Variants in SCAP observed in about 807,000 individuals in gnomAD.
SCAP encodes the protein sterol regulatory element-binding protein cleavage-activating protein.
Under a neutral mutation model 123.6 loss-of-function variants are expected in SCAP, and 65 were observed. That is an observed-to-expected ratio of 0.53 (90% confidence interval 0.43 to 0.65). The LOEUF (loss-of-function observed/expected upper bound fraction) is 0.65, where lower values mean the gene tolerates loss of function less well. SCAP is among the 30% of genes least tolerant of loss of function. The probability of loss-of-function intolerance (pLI) is 0.00; values close to 1 mark genes in which losing one functional copy is unlikely to be tolerated. For synonymous variants in SCAP, 740 were observed against 726.3 expected, an observed-to-expected ratio of 1.02 and a Z score of -0.30; for missense variants, 1,398 against 1,712.5, an observed-to-expected ratio of 0.82 and a Z score of 3.24.
At chr3:47,442,673 GGTCAGGGCCA>G (rs1481227401) in intron 2 of SCAP, among the ~76,000 whole-genome samples, 189 bp downstream of exon 2, 1 of 152,202 alleles carries the variant, frequency 6.6e-6, no homozygotes, top group East Asian at 1.9e-4. Context: ...TGAATCAGTA[GGTCAGGGCCA>G]GCCAGGACTA....
rs1407396630 is a variant in SCAP at position 47,420,244 on chromosome 3, T to C, written c.1563+310A>G. 3.9e-5 allele frequency among the ~76,000 whole-genome samples: 6 copies of C among 152,166 alleles called. No homozygotes were observed. Among genetic ancestry groups the C allele is most frequent in the Non-Finnish European group, 8.8e-5 (6 of 68,020 alleles). On this transcript the variant is annotated intron_variant, in intron 12 of 22. Transcript: ENST00000265565. The surrounding 1 kb of genome is among the most constrained non-coding windows in gnomAD (Gnocchi z 5.0). ...GGCCGATGAACCCGACCCAGGGCAA[T>C]GTGGTGGCCACAAGTGGGTCCATCC...
Position 47,413,771 on chromosome 3 carries a change from G to T in SCAP, c.*83C>A. 3 of 1,515,612 alleles carry T rather than the reference G, an allele frequency of 2.0e-6. No homozygotes were observed. Among genetic ancestry groups the T allele is most frequent in the Non-Finnish European group, 1.8e-6 (2 of 1,124,074 alleles). The allele number at this position is 1,515,612 out of a possible 1,614,324, so 93.9% of individuals were successfully genotyped here. On this transcript the variant is annotated 3_prime_UTR_variant, in exon 23 of 23. Coordinates refer to ENST00000265565, the MANE Select transcript of SCAP (RefSeq NM_012235.4). ...AGGAGGCAGCGGCTGGAAGATACTC[G>T]GCTCTTTCCCCCAAGTCCAGGTTCA... is the stretch of plus-strand genomic sequence containing the variant.
At position 47,413,877 on chromosome 3, in the gene SCAP, A is replaced by C. The variant is rs1441924994; in HGVS notation, c.3817T>G (p.Ser1273Ala). ...GSELSLVYVP[S>A]VLEKLD ...GCTCAGTCCAGCTTCTCCAGCACAG[A>C]GGGCACATACACCAGGCTGAGCTCA... The change falls in exon 23 of 23, where the codon TCT becomes GCT. Residue 1273 changes from serine to alanine, a missense_variant. Physicochemically the swap from Ser to Ala is moderately conservative, Grantham distance 99 (BLOSUM62 1). Coordinates refer to ENST00000265565, the MANE Select transcript of SCAP (RefSeq NM_012235.4). The C allele has an allele frequency of 1.4e-5, 23 of 1,612,878 alleles. No individual in the cohort carries two copies. The highest frequency in any genetic ancestry group is 1.9e-5 in the Non-Finnish European group (22 of 1,180,012).
In SCAP at chr3:47,472,043, G is replaced by A. The variant is rs533423990; in HGVS notation, c.-99+3756C>T. 1.8e-4 allele frequency among the ~76,000 whole-genome samples: 27 copies of A among 152,106 alleles called. 2 individuals carry two copies. In the South Asian group the frequency reaches 5.4e-3, roughly 30 times the overall value. On this transcript the variant is annotated intron_variant, in intron 1 of 22. Transcript: ENST00000265565. ...TAATCCCAGCTACTCGGGAGGCTGA[G>A]GCAGGAGACCAAGATTGCAGTAAAC...
At chr3:47,446,765 G>T (rs116924117) in intron 1 of SCAP, among the ~76,000 whole-genome samples, 1 of 151,136 alleles carries the variant, frequency 6.6e-6, no homozygotes, top group Non-Finnish European at 1.5e-5. Flanking sequence ...CTGTGAGACC[G>T]TGTCTTTACA....
In SCAP at chr3:47,427,141, G is replaced by GTAC. The variant is rs1706169082; in HGVS notation, c.737+13_737+15dup. 1 of 1,576,692 alleles carries GTAC rather than the reference G, an allele frequency of 6.3e-7. No homozygotes were observed. The highest frequency in any genetic ancestry group is 1.3e-5 in the African/African-American group (1 of 74,142). ...CCAGCAGACCAGTCAAGAGCCCAGGGTACTGTCAATCTTACTTGGCATGGT... is the reference window on the plus strand; with the variant it reads ...CCAGCAGACCAGTCAAGAGCCCAGGGTACTACTGTCAATCTTACTTGGCATGGT... On this transcript the variant is annotated intron_variant, in intron 6 of 22. Coordinates refer to ENST00000265565, the MANE Select transcript of SCAP (RefSeq NM_012235.4).
chr3:47,472,306 C>T (rs1233797379), intron 1 of SCAP, among the ~76,000 whole-genome samples: 1 of 150,606 alleles, frequency 6.6e-6, no homozygotes, highest in Non-Finnish European at 1.5e-5. Flanking sequence ...CGGTGGCGGG[C>T]GCCTGTAGTC....
chr3:47,467,616 A>G (rs1359484004), intron 1 of SCAP, among the ~76,000 whole-genome samples: 1 of 152,116 alleles, frequency 6.6e-6, no homozygotes, highest in Non-Finnish European at 1.5e-5. Flanking sequence ...AAAAAGAAAA[A>G]GAAAAAAAAA....
intron 3 of SCAP, among the ~76,000 whole-genome samples, chr3:47,430,649 A>T (rs1165051676): frequency 3.9e-5 from 6 of 152,238 alleles, no homozygotes; most frequent in Non-Finnish European, 5.9e-5. Context: ...GACAAAGCAA[A>T]GCCCAGTGTC....
intron 8 of SCAP, 138 bp downstream of exon 8, chr3:47,425,347 G>A (rs1371925761): frequency 2.2e-6 from 2 of 889,914 alleles, no homozygotes; most frequent in African/African-American, 1.7e-5. Context: ...GGAAGAAAAT[G>A]TACCTCTTAA....
chr3:47,475,314 A>G (rs1203032528), intron 1 of SCAP: 2 of 152,386 alleles, frequency 1.3e-5, no homozygotes, highest in Non-Finnish European at 2.9e-5. Context: ...AACATTAGTG[A>G]GCAAAGTTGA....
At chr3:47,468,933 C>T (rs1264028961) in intron 1 of SCAP, among the ~76,000 whole-genome samples, 5 of 152,216 alleles carry the variant, frequency 3.3e-5, no homozygotes, top group African/African-American at 7.2e-5. Context: ...CAGCTTTCTA[C>T]ATATGGCTCC....
rs1162245639 is a variant in SCAP, at chr3:47,418,391, G to A, written c.2261C>T (p.Pro754Leu). The change falls in exon 15 of 23, where the codon CCC becomes CTC. Residue 754 changes from proline to leucine, a missense_variant. Pro to Leu is a moderately conservative substitution (Grantham distance 98). Transcript: ENST00000265565. The stretch of plus-strand genomic sequence containing the variant: ...TGGCGCATAGCCGTAGTCGTCGCAG[G>A]GCAGCTCCCCGCGCCTCCGCCGCCC... ...GPGRRRRGEL[P>L]CDDYGYAPPE... 6 of 1,575,636 alleles carry A rather than the reference G, an allele frequency of 3.8e-6. No homozygotes were observed. Among genetic ancestry groups the A allele is most frequent in the Non-Finnish European group, 5.2e-6 (6 of 1,164,308 alleles).
In SCAP at chr3:47,419,277, T is replaced by C. The variant is rs754769886; in HGVS notation, c.1940+51A>G. On this transcript the variant is annotated intron_variant, in intron 13 of 22. Transcript: ENST00000265565. The surrounding 1 kb of genome is among the most constrained non-coding windows in gnomAD (Gnocchi z 5.0). ...GGCCTCCTGCATTGGGGAAAGGGGATGGTGAGTTGACACCATCGAGTGAGG... is the reference window on the plus strand; with the variant it reads ...GGCCTCCTGCATTGGGGAAAGGGGACGGTGAGTTGACACCATCGAGTGAGG... 2.6e-6 allele frequency: 4 copies of C among 1,560,030 alleles called. No homozygotes were observed. In the South Asian group the frequency reaches 3.6e-5, roughly 14 times the overall value.
rs1444375411 is a variant in SCAP, at chr3:47,420,873, T to A, written c.1344+58A>T. 6.3e-7 allele frequency: 1 copy of A among 1,583,914 alleles called. No individual in the cohort carries two copies. Among genetic ancestry groups the A allele is most frequent in the East Asian group, 2.2e-5 (1 of 44,634 alleles). Reference sequence around the variant, plus strand: ...GGTCTACACCCTTCTCACCCAGGACTCCCTCAGTACAGCCAGGGCTGAGGA... The same window carrying A: ...GGTCTACACCCTTCTCACCCAGGACACCCTCAGTACAGCCAGGGCTGAGGA... On this transcript the variant is annotated intron_variant, in intron 11 of 22. Transcript: ENST00000265565. The surrounding 1 kb of genome is among the most constrained non-coding windows in gnomAD (Gnocchi z 5.0).
In SCAP at chr3:47,420,403, C is replaced by A; in HGVS notation, c.1563+151G>T. The A allele has an allele frequency of 1.5e-6, 1 of 679,776 alleles. No homozygotes were observed. 42.1% of individuals were successfully genotyped at this position (679,776 alleles called of 1,614,324 possible). A position where few individuals can be genotyped will look rare whatever the true frequency, so the allele number is the denominator to read the frequency against. On this transcript the variant is annotated intron_variant, in intron 12 of 22. Transcript: ENST00000265565. This position sits in a 1 kb window ranked among gnomAD's most constrained non-coding sequence, Gnocchi z 5.0. ...GCCACTAGGGTCTGGGCAGGGAGGA[C>A]ACAACGGGCAACTCCCCAGAGCCAG...
At chr3:47,447,714 A>G (rs1707098836) in intron 1 of SCAP, among the ~76,000 whole-genome samples, 1 of 151,370 alleles carries the variant, frequency 6.6e-6, no homozygotes, top group Admixed American at 6.6e-5. Flanking sequence ...AGAAAAGAAA[A>G]AAGAAAAAAA....
At chr3:47,442,428 A>C (rs1189929558) in intron 2 of SCAP, among the ~76,000 whole-genome samples, 4 of 152,216 alleles carry the variant, frequency 2.6e-5, no homozygotes, top group African/African-American at 9.6e-5. Flanking sequence ...AAATGACTAG[A>C]GAGCAAAGAA....
chr3:47,428,897 A>G, intron 3 of SCAP: 1 of 476,766 alleles, frequency 2.1e-6, no homozygotes, highest in East Asian at 3.7e-5. Flanking sequence ...TGGCTGAAAT[A>G]AGCTGGAACC....
Sources: gnomAD v4.1 joint callset for allele counts (sites outside exome capture counted in the v4.1 genomes callset) on GRCh38, gnomAD v4.1.1 for gene constraint, Gnocchi (gnomAD v3.1) non-coding constraint, MANE v1.5 for transcripts, NCBI Gene and HGNC (gene_info 2026-07-23, HGNC 2026-07-21) for gene names.